Variants in PTPN4 observed in about 807,000 individuals in gnomAD.
The protein encoded by PTPN4 is tyrosine-protein phosphatase non-receptor type 4.
A neutral mutation model predicts 135.5 loss-of-function variants in PTPN4; 49 were observed. The ratio of observed to expected loss-of-function variants is 0.36; its 90% CI spans 0.29 to 0.46. The LOEUF (loss-of-function observed/expected upper bound fraction) is 0.46, where lower values mean the gene tolerates loss of function less well. PTPN4 is among the 20% of genes least tolerant of loss of function. The pLI is 1.00. For missense variants in PTPN4, 860 were observed against 1,101.0 expected (o/e 0.78, Z 3.10); for synonymous variants, 333 against 369.9 (o/e 0.90, Z 1.14).
intron 10 of PTPN4, among the ~76,000 whole-genome samples, chr2:119,914,501 G>C (rs948680488): frequency 6.6e-6 from 1 of 151,978 alleles, no homozygotes; most frequent in African/African-American, 2.4e-5. Context: ...GAGCTTCTTG[G>C]ATAGATAGGG....
At chr2:119,899,885 A>T (rs953489944) in intron 9 of PTPN4, among the ~76,000 whole-genome samples, 4 of 152,130 alleles carry the variant, frequency 2.6e-5, no homozygotes, top group African/African-American at 4.8e-5. Flanking sequence ...TGATACTATA[A>T]AGTATTTGTT....
In PTPN4 at chr2:119,782,978, C is replaced by G. The variant is rs543992484; in HGVS notation, c.-18+22594C>G. ...CTGCCTTGGTATTACAGGTGTGAGCCACCACGCCTGGCTGAAATCCCTTTT... is the reference window on the plus strand; with the variant it reads ...CTGCCTTGGTATTACAGGTGTGAGCGACCACGCCTGGCTGAAATCCCTTTT... On this transcript the variant is annotated intron_variant, in intron 1 of 26. Coordinates refer to ENST00000263708, the MANE Select transcript of PTPN4 (RefSeq NM_002830.4). Among the ~76,000 whole-genome samples, 542 of 148,642 alleles carry G rather than the reference C, an allele frequency of 3.6e-3. 3 individuals are homozygous for G. The highest frequency in any genetic ancestry group is 0.013 in the African/African-American group (522 of 40,720).
chr2:119,833,675 G>T (rs535565612), intron 2 of PTPN4, among the ~76,000 whole-genome samples: 1 of 151,934 alleles, frequency 6.6e-6, no homozygotes, highest in Non-Finnish European at 1.5e-5. Context: ...TTTTCACCTC[G>T]GACTAATTTT....
chr2:119,880,811 A>G (rs1678060508), intron 5 of PTPN4, among the ~76,000 whole-genome samples: 1 of 152,112 alleles, frequency 6.6e-6, no homozygotes, highest in Non-Finnish European at 1.5e-5. Context: ...AAGAAGTTAT[A>G]TATGAAGCCA....
At chr2:119,902,369 C>T (rs1299657681) in intron 10 of PTPN4, among the ~76,000 whole-genome samples, 1 of 152,182 alleles carries the variant, frequency 6.6e-6, no homozygotes, top group Non-Finnish European at 1.5e-5. Flanking sequence ...CTTTCACACA[C>T]ACAAACAAAA....
chr2:119,855,141 G>C (rs1044200599), intron 2 of PTPN4, among the ~76,000 whole-genome samples: 1 of 152,026 alleles, frequency 6.6e-6, no homozygotes, highest in African/African-American at 2.4e-5. Context: ...TCTCATCCAT[G>C]GTTTTTCTAA....
chr2:119,882,223 T>A lies in PTPN4; in HGVS notation c.466+74T>A. On this transcript the variant is annotated intron_variant, in intron 7 of 26. Coordinates refer to ENST00000263708, the MANE Select transcript of PTPN4 (RefSeq NM_002830.4). ...TGTTGCTAGTACATTGGCTTCAATG[T>A]GGGAGTTCTTTAGAAATGTTGCTAT... The A allele has an allele frequency of 4.3e-6, 6 of 1,385,602 alleles. No homozygotes were observed. In the South Asian group the frequency reaches 7.2e-5, roughly 17 times the overall value. The allele number at this position is 1,385,602 out of a possible 1,614,324, so 85.8% of individuals were successfully genotyped here.
chr2:119,889,125 A>T (rs1678201686), intron 9 of PTPN4, among the ~76,000 whole-genome samples: 1 of 152,128 alleles, frequency 6.6e-6, no homozygotes, highest in African/African-American at 2.4e-5. Context: ...GTTGTTCGTA[A>T]TAGTCTCTGA....
chr2:119,968,012 A>C, intron 26 of PTPN4, 40 bp downstream of exon 26: 1 of 1,400,424 alleles, frequency 7.1e-7, no homozygotes, highest in Non-Finnish European at 9.5e-7. Context: ...TATTCTTAAC[A>C]TGATGATTTT....
At chr2:119,791,423 AG>A (rs1365300754) in intron 1 of PTPN4, among the ~76,000 whole-genome samples, 7 of 152,222 alleles carry the variant, frequency 4.6e-5, no homozygotes, top group African/African-American at 1.7e-4. Flanking sequence ...TAAGCCACCT[AG>A]CTTAGGCTAT....
At chr2:119,872,997 T>A (rs1441477470) in intron 3 of PTPN4, among the ~76,000 whole-genome samples, 1 of 152,158 alleles carries the variant, frequency 6.6e-6, no homozygotes, top group Admixed American at 6.5e-5. Context: ...AATTACTTTA[T>A]TGATTGATTG....
At chr2:119,807,425 A>G (rs965434120) in intron 1 of PTPN4, among the ~76,000 whole-genome samples, 17 of 152,192 alleles carry the variant, frequency 1.1e-4, no homozygotes, top group African/African-American at 4.1e-4. Flanking sequence ...AATACAAACT[A>G]CCATCAGAGT....
intron 1 of PTPN4, among the ~76,000 whole-genome samples, chr2:119,761,603 A>G (rs189628144): frequency 7.4e-4 from 113 of 152,316 alleles, no homozygotes; most frequent in African/African-American, 2.0e-3. Context: ...TTATGCTCCA[A>G]TTACCACAAA....
intron 20 of PTPN4, among the ~76,000 whole-genome samples, chr2:119,955,650 G>A (rs1343228423): frequency 6.6e-6 from 1 of 152,056 alleles, no homozygotes; most frequent in East Asian, 1.9e-4. Flanking sequence ...TTAAAATCCT[G>A]AGCTTGGCCA....
chr2:119,821,623 TTAAA>T (rs1677069983), intron 2 of PTPN4, among the ~76,000 whole-genome samples: 1 of 152,236 alleles, frequency 6.6e-6, no homozygotes, highest in Admixed American at 6.5e-5. Context: ...ACTTGATACA[TTAAA>T]TAGGTACTTA....
intron 2 of PTPN4, among the ~76,000 whole-genome samples, chr2:119,835,167 T>C (rs1410706128): frequency 6.6e-6 from 1 of 152,146 alleles, no homozygotes; most frequent in African/African-American, 2.4e-5. Context: ...ATCTTTTTCT[T>C]ATCAAAATCA....
Position 119,844,164 on chromosome 2 carries a change from A to C in PTPN4, c.139-18372A>C, listed in dbSNP as rs866153115. Among the ~76,000 whole-genome samples, 161 of 66,616 alleles carry C rather than the reference A, an allele frequency of 2.4e-3. 2 individuals carry two copies. The highest frequency in any genetic ancestry group is 9.3e-3 in the African/African-American group (150 of 16,200). The allele number at this position is 66,616 out of a possible 152,430, so 43.7% of individuals were successfully genotyped here. On this transcript the variant is annotated intron_variant, in intron 2 of 26. Transcript: ENST00000263708. ...GCCGGGCGGGGGGCCGACGCCCCCC[A>C]CCTCCCTCCCGGACGGGGCGGCTGG...
rs1679641087 is a variant in PTPN4, at chr2:119,977,902, A to G, written c.*832A>G. ...TAGGAGGTATATATGTATATTGTAC[A>G]TTCGTATATTTTTATGCATTTTGAA... is the stretch of plus-strand genomic sequence containing the variant. On this transcript the variant is annotated 3_prime_UTR_variant, in exon 27 of 27. Transcript: ENST00000263708. 6.6e-6 allele frequency: 1 copy of G among 152,216 alleles called. No homozygotes were observed. Among genetic ancestry groups the G allele is most frequent in the East Asian group, 1.9e-4 (1 of 5,202 alleles). 9.4% of individuals were successfully genotyped at this position (152,216 alleles called of 1,614,324 possible). A position where few individuals can be genotyped will look rare whatever the true frequency, so the allele number is the denominator to read the frequency against.
intron 1 of PTPN4, among the ~76,000 whole-genome samples, chr2:119,775,423 T>G (rs1393158568): frequency 3.3e-5 from 5 of 152,220 alleles, no homozygotes; most frequent in Non-Finnish European, 1.5e-5. Context: ...TTTAAAGTTC[T>G]TTTGATGTTG....
Sources: allele counts gnomAD v4.1 joint callset (sites outside exome capture counted in the v4.1 genomes callset), GRCh38; gene constraint gnomAD v4.1.1; transcripts MANE v1.5; gene names NCBI Gene and HGNC (gene_info 2026-07-23, HGNC 2026-07-21).